Variants in TMA16 observed in about 807,000 individuals in gnomAD.
TMA16 encodes the protein translation machinery associated 16 homolog, also known as translation machinery-associated protein 16.
TMA16 carries 26 observed loss-of-function variants against 27.1 expected under a neutral mutation model. The observed-to-expected ratio is 0.96, with a 90% CI of 0.70 to 1.33. The LOEUF (loss-of-function observed/expected upper bound fraction) is 1.33, where lower values mean the gene tolerates loss of function less well. Ranked by LOEUF, TMA16 falls within the 40% of genes most tolerant of loss-of-function variation. The pLI is 0.00. For missense variants in TMA16, 233 were observed against 241.4 expected (o/e 0.97, Z 0.23); for synonymous variants, 71 against 81.9 (o/e 0.87, Z 0.72).
intron 1 of TMA16, 49 bp downstream of exon 1, chr4:163,494,853 G>A: frequency 6.2e-7 from 1 of 1,608,474 alleles, no homozygotes; most frequent in Non-Finnish European, 8.5e-7. Context: ...TCCCCGGAAG[G>A]CTCTTGTTGA....
intron 1 of TMA16, among the ~76,000 whole-genome samples, chr4:163,504,815 G>C (rs1348430224): frequency 2.0e-5 from 3 of 152,150 alleles, no homozygotes; most frequent in Non-Finnish European, 4.4e-5. Flanking sequence ...CTGCCTCTAA[G>C]CTTGCTGTTG....
At chr4:163,510,605 T>G (rs2110804431) in intron 2 of TMA16, among the ~76,000 whole-genome samples, 1 of 152,326 alleles carries the variant, frequency 6.6e-6, no homozygotes, top group Middle Eastern at 3.4e-3. Context: ...CCTCAGGCAA[T>G]TTATTTATAT....
intron 1 of TMA16, 67 bp downstream of exon 1, chr4:163,494,871 G>C: frequency 1.9e-6 from 3 of 1,603,314 alleles, no homozygotes; most frequent in Non-Finnish European, 2.5e-6. Flanking sequence ...TGAGCAGGCA[G>C]AGAGGGAGGG....
At chr4:163,496,102 C>A (rs1737549460) in intron 1 of TMA16, among the ~76,000 whole-genome samples, 1 of 152,148 alleles carries the variant, frequency 6.6e-6, no homozygotes, top group Non-Finnish European at 1.5e-5. Flanking sequence ...GGCATATGAA[C>A]CTGTTTTCAT....
intron 1 of TMA16, 78 bp from the exon 2 acceptor site, chr4:163,506,955 T>C (rs1737725089): frequency 8.4e-7 from 1 of 1,184,794 alleles, no homozygotes; most frequent in South Asian, 1.5e-5. Flanking sequence ...TTTTAAAATT[T>C]ATTTGTAAAG....
chr4:163,517,052 C>T (rs534420886), intron 5 of TMA16: 7 of 173,254 alleles, frequency 4.0e-5, no homozygotes, highest in East Asian at 3.7e-4. Flanking sequence ...TACAGGTGCC[C>T]GTCACCACGC....
intron 5 of TMA16, chr4:163,516,154 C>T (rs1737873557): frequency 1.3e-5 from 2 of 152,288 alleles, no homozygotes. Flanking sequence ...TTTATCAGAG[C>T]ACATCCAAAG....
chr4:163,518,485 G>C (rs188505689), intron 6 of TMA16, among the ~76,000 whole-genome samples: 11 of 151,822 alleles, frequency 7.2e-5, no homozygotes, highest in Admixed American at 6.6e-4. Context: ...TTCAACAAAG[G>C]CCTAATATCT....
chr4:163,517,301 A>T, intron 5 of TMA16, 133 bp from the exon 6 acceptor site: 1 of 790,584 alleles, frequency 1.3e-6, no homozygotes, highest in Non-Finnish European at 2.0e-6. Flanking sequence ...CAAATTTTTC[A>T]TGTTAATTAC....
chr4:163,519,637 C>A lies in TMA16; in HGVS notation c.*123C>A. 1.0e-6 allele frequency: 1 copy of A among 965,482 alleles called. No homozygotes were observed. Among genetic ancestry groups the A allele is most frequent in the Non-Finnish European group, 1.5e-6 (1 of 676,820 alleles). 59.8% of individuals were successfully genotyped at this position (965,482 alleles called of 1,614,324 possible). ...ACATTCTCTTATATGATGAGAGTTT[C>A]ATTTGCGTTTCAAAAATGGTGTTAT... On this transcript the variant is annotated 3_prime_UTR_variant, in exon 7 of 7. Transcript: ENST00000358572.
chr4:163,494,718 C>G lies in TMA16; in HGVS notation c.-84C>G, dbSNP rs1391559550. The G allele has an allele frequency of 2.5e-6, 4 of 1,596,718 alleles. No homozygotes were observed. The highest frequency in any genetic ancestry group is 2.2e-5 in the East Asian group (1 of 44,786). The stretch of plus-strand genomic sequence containing the variant: ...CGCCACGTGGGATTCGGCCCGGGTG[C>G]TCTTGTGAGCTGCTGCTCCTGCGGT... On this transcript the variant is annotated 5_prime_UTR_variant, in exon 1 of 7. Transcript: ENST00000358572.
intron 5 of TMA16, among the ~76,000 whole-genome samples, chr4:163,516,306 C>G (rs181600839): frequency 5.3e-5 from 8 of 152,318 alleles, no homozygotes; most frequent in Admixed American, 4.6e-4. Flanking sequence ...GAAATTGTCA[C>G]CAAATTCTGT....
Position 163,503,522 on chromosome 4 carries a change from G to A in TMA16, c.4-3511G>A, listed in dbSNP as rs115176113. 1.3e-3 allele frequency among the ~76,000 whole-genome samples: 205 copies of A among 152,226 alleles called. 4 individuals are homozygous for A. Among genetic ancestry groups the A allele is most frequent in the African/African-American group, 4.8e-3 (198 of 41,552 alleles). On this transcript the variant is annotated intron_variant, in intron 1 of 6. Coordinates refer to ENST00000358572, the MANE Select transcript of TMA16 (RefSeq NM_018352.3). ...TGATTTTAACAGGAATATTTAAAGC[G>A]TATTGCCCCTAAAATAACTCTATTA... is the stretch of plus-strand genomic sequence containing the variant.
intron 1 of TMA16, among the ~76,000 whole-genome samples, chr4:163,495,030 C>T (rs1426693670): frequency 1.3e-5 from 2 of 152,230 alleles, no homozygotes; most frequent in African/African-American, 2.4e-5. Flanking sequence ...AGTGCTCACA[C>T]GTCGCCTTGC....
At chr4:163,518,742 A>G (rs1255861180) in intron 6 of TMA16, among the ~76,000 whole-genome samples, 2 of 152,168 alleles carry the variant, frequency 1.3e-5, no homozygotes, top group African/African-American at 4.8e-5. Flanking sequence ...TATAGCATGT[A>G]TTTATAATTT....
In TMA16 at chr4:163,494,859, G is replaced by A. The variant is rs781778495; in HGVS notation, c.3+55G>A. 15 of 1,607,502 alleles carry A rather than the reference G, an allele frequency of 9.3e-6. No homozygotes were observed. In the Admixed American group the frequency reaches 1.0e-4, roughly 11 times the overall value. On this transcript the variant is annotated intron_variant, in intron 1 of 6. Coordinates refer to ENST00000358572, the MANE Select transcript of TMA16 (RefSeq NM_018352.3). ...TCGGTTGGTTCCCCGGAAGGCTCTT[G>A]TTGAGCAGGCAGAGAGGGAGGGTGC... is the stretch of plus-strand genomic sequence containing the variant.
In TMA16 at chr4:163,515,412, C is replaced by T; in HGVS notation, c.339C>T (p.Ile113=). The T allele has an allele frequency of 6.2e-7, 1 of 1,614,050 alleles. No individual in the cohort carries two copies. ...GRRHCSRETV[I]KQTMERERQQ... The stretch of plus-strand genomic sequence containing the variant: ...GGCACTGTTCCCGGGAGACCGTCAT[C>T]AAGCAGACGATGGAGCGGGAGCGAC... The change falls in exon 5 of 7, where the codon ATC becomes ATT. Residue 113 remains isoleucine (I), a synonymous_variant. Transcript: ENST00000358572.
At chr4:163,513,968 AT>A in intron 3 of TMA16, 105 bp from the exon 4 acceptor site, 2 of 748,740 alleles carry the variant, frequency 2.7e-6, no homozygotes, top group Middle Eastern at 3.9e-4. Flanking sequence ...ATTGACATAA[AT>A]TTTGGTTCTG....
intron 2 of TMA16, among the ~76,000 whole-genome samples, chr4:163,509,647 A>G (rs1188625718): frequency 3.3e-5 from 5 of 152,214 alleles, no homozygotes; most frequent in African/African-American, 7.2e-5. Context: ...GTAGGAGTGG[A>G]TAACAATGCT....
Sources: allele counts gnomAD v4.1 joint callset (sites outside exome capture counted in the v4.1 genomes callset), GRCh38; gene constraint gnomAD v4.1.1; transcripts MANE v1.5; gene names NCBI Gene and HGNC (gene_info 2026-07-23, HGNC 2026-07-21).